FER1L6: variants seen among roughly 807,000 people sequenced by gnomAD.
The protein encoded by FER1L6 is fer-1-like protein 6.
FER1L6 carries 177 observed loss-of-function variants against 219.2 expected under a neutral mutation model. The ratio of observed to expected loss-of-function variants is 0.81; its 90% confidence interval spans 0.71 to 0.91. FER1L6 has a LOEUF of 0.91. Ranked by LOEUF, FER1L6 falls within the 40% of genes least tolerant of loss-of-function variation. The pLI, the probability that FER1L6 is intolerant of heterozygous loss-of-function variation, is 0.00. For synonymous variants in FER1L6, 768 were observed against 824.3 expected (o/e 0.93, Z 1.17); for missense variants, 2,153 against 2,259.9 (o/e 0.95, Z 0.96).
intron 3 of FER1L6, among the ~76,000 whole-genome samples, chr8:123,965,240 T>C (rs1815484381): frequency 6.6e-6 from 1 of 152,218 alleles, no homozygotes; most frequent in Non-Finnish European, 1.5e-5. Context: ...ACTAACTTAA[T>C]CAGTTCTCTA....
intron 3 of FER1L6, among the ~76,000 whole-genome samples, 198 bp downstream of exon 3, chr8:123,963,596 A>G (rs957196765): frequency 1.3e-5 from 2 of 152,186 alleles, no homozygotes; most frequent in Non-Finnish European, 2.9e-5. Context: ...TTCAGCCTTC[A>G]TCAGGCCAGG....
intron 3 of FER1L6, among the ~76,000 whole-genome samples, chr8:123,965,186 T>C (rs1024942704): frequency 6.6e-6 from 1 of 152,224 alleles, no homozygotes; most frequent in East Asian, 1.9e-4. Flanking sequence ...GGGAGAACAA[T>C]ATTCTAACTC....
In FER1L6 at chr8:124,039,896, C is replaced by T; in HGVS notation, c.2479C>T (p.Gln827Ter). 1 of 1,614,112 alleles carries T rather than the reference C, an allele frequency of 6.2e-7. No individual in the cohort carries two copies. The highest frequency in any genetic ancestry group is 8.5e-7 in the Non-Finnish European group (1 of 1,179,988). Residue 827 changes from glutamine (Q) to a stop codon, truncating the protein, a stop_gained, in exon 20 of 41, where the codon CAG (glutamine) becomes TAG (stop). Coordinates refer to ENST00000522917, the MANE Select transcript of FER1L6 (RefSeq NM_001039112.2). LOFTEE classifies it high-confidence loss of function. ...TTTGTCCACAGAACAGCATGTTTTT[C>T]AGCTGAGGGCTCACATGTACCAAGC... ...NLLYQEQHVF[Q>*]LRAHMYQARG...
chr8:123,936,763 C>T (rs1040260602), intron 1 of FER1L6, among the ~76,000 whole-genome samples: 6 of 152,012 alleles, frequency 3.9e-5, no homozygotes, highest in African/African-American at 9.7e-5. Flanking sequence ...AAGCAGTTCT[C>T]GAGGGAGCCA....
chr8:123,966,332 T>C lies in FER1L6; in HGVS notation c.384+42T>C, dbSNP rs1209913346. 1.9e-6 allele frequency: 3 copies of C among 1,610,086 alleles called. No individual in the cohort carries two copies. In the Admixed American group the frequency reaches 5.0e-5, roughly 27 times the overall value. ...ACCCACAGCTTTTGCACTAAGATTCTCTTCACCACCATTCTGCAGGATCCT... is the reference window on the plus strand; with the variant it reads ...ACCCACAGCTTTTGCACTAAGATTCCCTTCACCACCATTCTGCAGGATCCT... On this transcript the variant is annotated intron_variant, in intron 5 of 40. Coordinates refer to ENST00000522917, the MANE Select transcript of FER1L6 (RefSeq NM_001039112.2).
In FER1L6 at chr8:124,035,370, G is replaced by A; in HGVS notation, c.2380G>A (p.Asp794Asn). Residue 794 changes from aspartate to asparagine, a missense_variant, in exon 19 of 41, where the codon GAC (aspartate) becomes AAC (asparagine). Physicochemically the swap from Asp to Asn is conservative, Grantham distance 23 (BLOSUM62 1). Coordinates refer to ENST00000522917, the MANE Select transcript of FER1L6 (RefSeq NM_001039112.2). ...GSIKHASAIL[D>N]NLPVGYEAEM... is the part of the protein sequence containing the mutation. The stretch of plus-strand genomic sequence containing the variant: ...CATCAAGCATGCCAGTGCCATTTTG[G>A]ACAACTTGCCAGTAGGCTATGAAGC... The A allele has an allele frequency of 6.2e-7, 1 of 1,614,056 alleles. No individual in the cohort carries two copies. Among genetic ancestry groups the A allele is most frequent in the South Asian group, 1.1e-5 (1 of 91,082 alleles).
intron 1 of FER1L6, among the ~76,000 whole-genome samples, chr8:123,879,043 G>C (rs948883525): frequency 1.6e-4 from 25 of 152,186 alleles, no homozygotes; most frequent in African/African-American, 6.0e-4. Flanking sequence ...CAAGGATCAA[G>C]GAAGGGAGAA....
At chr8:123,949,201 G>A (rs1471847404) in intron 1 of FER1L6, among the ~76,000 whole-genome samples, 1 of 152,236 alleles carries the variant, frequency 6.6e-6, no homozygotes, top group African/African-American at 2.4e-5. Flanking sequence ...TGATAAAGAT[G>A]TGGTGGTCAA....
At chr8:123,993,441 CAA>C (rs758672519) in intron 12 of FER1L6, among the ~76,000 whole-genome samples, 14 of 52,244 alleles carry the variant, frequency 2.7e-4, no homozygotes, top group East Asian at 6.2e-4. Flanking sequence ...GACTCCGTCT[CAA>C]AAAAAAAAAA....
intron 9 of FER1L6, 56 bp from the exon 10 acceptor site, chr8:123,977,361 T>G: frequency 6.5e-7 from 1 of 1,532,134 alleles, no homozygotes; most frequent in Non-Finnish European, 8.9e-7. Flanking sequence ...CTTGAAGAGT[T>G]TTCTGTAGTC....
chr8:123,895,255 G>A (rs189519609), intron 1 of FER1L6, among the ~76,000 whole-genome samples: 1 of 152,304 alleles, frequency 6.6e-6, no homozygotes, highest in African/African-American at 2.4e-5. Context: ...GTCAAGGACA[G>A]GATGAGGAAC....
chr8:124,045,086 G>C (rs142109360), intron 20 of FER1L6, among the ~76,000 whole-genome samples: 1 of 152,314 alleles, frequency 6.6e-6, no homozygotes, highest in Non-Finnish European at 1.5e-5. Flanking sequence ...CAAAACAGTA[G>C]AATTCCACAT....
At chr8:123,912,812 G>A (rs1402398326) in intron 1 of FER1L6, among the ~76,000 whole-genome samples, 2 of 152,182 alleles carry the variant, frequency 1.3e-5, no homozygotes, top group African/African-American at 4.8e-5. Flanking sequence ...CAAAGGCATA[G>A]ACATTTAAAA....
At chr8:123,927,066 A>G (rs557509662) in intron 1 of FER1L6, among the ~76,000 whole-genome samples, 148 of 151,972 alleles carry the variant, frequency 9.7e-4, no homozygotes, top group Middle Eastern at 3.4e-3. Context: ...ATGATACTCT[A>G]TGAGATAGAG....
chr8:123,950,620 T>A (rs1333684265), intron 1 of FER1L6, among the ~76,000 whole-genome samples: 1 of 152,224 alleles, frequency 6.6e-6, no homozygotes, highest in East Asian at 1.9e-4. Context: ...CAGCTGACTC[T>A]TGCAGGTGAA....
At chr8:124,048,460 T>C (rs763694735) in intron 21 of FER1L6, among the ~76,000 whole-genome samples, 3 of 152,172 alleles carry the variant, frequency 2.0e-5, no homozygotes, top group African/African-American at 7.2e-5. Context: ...ATGCTGCCTC[T>C]GGGGGAATGT....
At chr8:123,929,504 T>C (rs1410906709) in intron 1 of FER1L6, among the ~76,000 whole-genome samples, 1 of 152,228 alleles carries the variant, frequency 6.6e-6, no homozygotes, top group Non-Finnish European at 1.5e-5. Flanking sequence ...TCATGCTTAC[T>C]GTTTCTTCCC....
intron 1 of FER1L6, among the ~76,000 whole-genome samples, chr8:123,899,956 T>C (rs375794732): frequency 1.7e-3 from 266 of 152,296 alleles, no homozygotes; most frequent in African/African-American, 6.2e-3. Flanking sequence ...TTCTTTTTGT[T>C]TAGTCTTGCT....
intron 11 of FER1L6, 197 bp from the exon 12 acceptor site, chr8:123,985,871 A>G (rs1816549892): frequency 1.8e-6 from 1 of 552,968 alleles, no homozygotes; most frequent in Admixed American, 3.3e-5. Flanking sequence ...TTCTAGATGA[A>G]TGACTAAATT....
Sources: gnomAD v4.1 joint callset for allele counts (sites outside exome capture counted in the v4.1 genomes callset) on GRCh38, gnomAD v4.1.1 for gene constraint, MANE v1.5 for transcripts, NCBI Gene and HGNC (gene_info 2026-07-23, HGNC 2026-07-21) for gene names.